CEP120: variants seen among roughly 807,000 people sequenced by gnomAD.
The protein encoded by CEP120 is centrosomal protein of 120 kDa.
In CEP120, 113 loss-of-function variants were observed where a neutral mutation model predicts 126.5. That is an observed-to-expected ratio of 0.89 (90% CI 0.77 to 1.04). CEP120 has a LOEUF of 1.04. Among genes scored for constraint, CEP120 ranks in the 50% least tolerant of loss-of-function variants. The probability of loss-of-function intolerance (pLI) is 0.00; values close to 1 mark genes in which losing one functional copy is unlikely to be tolerated. For synonymous variants in CEP120, 400 were observed against 394.3 expected, an observed-to-expected ratio of 1.01 and a Z score of -0.17; for missense variants, 1,230 against 1,155.7, an observed-to-expected ratio of 1.06 and a Z score of -0.93.
chr5:123,378,133 T>C (rs1771366866), intron 15 of CEP120, among the ~76,000 whole-genome samples: 1 of 126,850 alleles, frequency 7.9e-6, no homozygotes, highest in Non-Finnish European at 1.8e-5. Flanking sequence ...AACACCACTT[T>C]CCACCTCTTT....
intron 1 of CEP120, 120 bp from the exon 2 acceptor site, chr5:123,418,635 T>C (rs1774524601): frequency 4.9e-6 from 4 of 808,198 alleles, no homozygotes; most frequent in Admixed American, 3.3e-5. Context: ...CTTACTCTGT[T>C]GCTTAGGCTG....
At chr5:123,360,156 A>G (rs962065903) in intron 18 of CEP120, among the ~76,000 whole-genome samples, 2 of 151,996 alleles carry the variant, frequency 1.3e-5, no homozygotes, top group African/African-American at 4.8e-5. Context: ...ACAAAACCAG[A>G]TAGACGATTC....
Position 123,383,015 on chromosome 5 carries a change from G to T in CEP120, c.1831C>A (p.Arg611Ser), listed in dbSNP as rs150132498. The T allele has an allele frequency of 6.3e-7, 1 of 1,592,544 alleles. No individual in the cohort carries two copies. Among genetic ancestry groups the T allele is most frequent in the Non-Finnish European group, 8.6e-7 (1 of 1,162,782 alleles). ...TLEDYGLVKM[R>S]EIFISDSSQG... ...GATGAATCAGAGATAAAAATCTCACGCATTTTTACTAGTCCATAATCTTCT... is the reference window on the plus strand; with the variant it reads ...GATGAATCAGAGATAAAAATCTCACTCATTTTTACTAGTCCATAATCTTCT... The change falls in exon 12 of 20, where the codon CGT (arginine) becomes AGT (serine). Residue 611 changes from arginine (R) to serine (S), a missense_variant. By Grantham distance (110) the Arg-to-Ser change is moderately radical (BLOSUM62 -1). Transcript: ENST00000306467.
chr5:123,363,874 A>C (rs1440217251), intron 18 of CEP120, among the ~76,000 whole-genome samples: 1 of 151,620 alleles, frequency 6.6e-6, no homozygotes, highest in Non-Finnish European at 1.5e-5. Context: ...GATTTAGGTC[A>C]GTTAGGGTTA....
chr5:123,423,636 G>A (rs1470963268), upstream of CEP120: 1 of 152,572 alleles, frequency 6.6e-6, no homozygotes, highest in African/African-American at 2.4e-5. Context: ...TGAGTGTAGC[G>A]TATTACCTGC....
chr5:123,361,600 A>T (rs1770079414), intron 18 of CEP120, among the ~76,000 whole-genome samples: 1 of 151,752 alleles, frequency 6.6e-6, no homozygotes, highest in Non-Finnish European at 1.5e-5. Flanking sequence ...ACAGTTTTCT[A>T]CAGAACGTCT....
intron 19 of CEP120, among the ~76,000 whole-genome samples, chr5:123,348,661 A>C (rs1768995297): frequency 6.6e-6 from 1 of 152,214 alleles, no homozygotes; most frequent in Non-Finnish European, 1.5e-5. Context: ...AGATATAATA[A>C]GATACTGTTT....
chr5:123,360,789 C>T (rs952020097), intron 18 of CEP120, among the ~76,000 whole-genome samples: 2 of 151,766 alleles, frequency 1.3e-5, no homozygotes, highest in African/African-American at 4.8e-5. Flanking sequence ...GCCTTTCACA[C>T]TGAATCTTCT....
At chr5:123,402,186 C>A in intron 4 of CEP120, 1 of 1,571,736 alleles carries the variant, frequency 6.4e-7, no homozygotes, top group African/African-American at 1.3e-5. Context: ...CCCACCACAG[C>A]CGCCGCCCAG....
At chr5:123,422,463 A>C in intron 1 of CEP120, 1 of 1,516,974 alleles carries the variant, frequency 6.6e-7, no homozygotes, top group Non-Finnish European at 8.9e-7. Flanking sequence ...CATCCAAAAC[A>C]CACCTTTTAA....
In CEP120 at chr5:123,386,665, T is replaced by G; in HGVS notation, c.1433A>C (p.Tyr478Ser). ...TGCACTTCCAAAGAATGGATATGAGTACCTAGAATTTAAAAAAAAAAAAAA... is the reference window on the plus strand; with the variant it reads ...TGCACTTCCAAAGAATGGATATGAGGACCTAGAATTTAAAAAAAAAAAAAA... ...IGFPINCILR[Y>S]SYPFFGSAAP... Residue 478 changes from tyrosine to serine, a missense_variant and splice_region_variant, in exon 10 of 20, where the codon TAC becomes TCC. Tyr to Ser is a moderately radical substitution (Grantham distance 144). Coordinates refer to ENST00000306467, the MANE Select transcript of CEP120 (RefSeq NM_001375405.1). 2.0e-6 allele frequency: 2 copies of G among 995,654 alleles called. No homozygotes were observed. The highest frequency in any genetic ancestry group is 2.7e-6 in the Non-Finnish European group (2 of 752,716). The allele number at this position is 995,654 out of a possible 1,614,324, so 61.7% of individuals were successfully genotyped here. A position where few individuals can be genotyped will look rare whatever the true frequency, so the allele number is the denominator to read the frequency against.
intron 4 of CEP120, among the ~76,000 whole-genome samples, chr5:123,399,632 AG>A (rs1773042342): frequency 6.6e-6 from 1 of 152,172 alleles, no homozygotes; most frequent in African/African-American, 2.4e-5. Flanking sequence ...GGAATGGGGG[AG>A]TAAAAAAAAG....
Position 123,382,211 on chromosome 5 carries a change from A to G in CEP120, c.2014-11T>C, listed in dbSNP as rs1489620216. On this transcript the variant is annotated splice_polypyrimidine_tract_variant and intron_variant, in intron 13 of 19. Coordinates refer to ENST00000306467, the MANE Select transcript of CEP120 (RefSeq NM_001375405.1). ...TTCTTTCTGCTTCAGCTACAAAAGG[A>G]AGAAAAATAAAGTCGCCAAAAAACC... 3 of 1,587,500 alleles carry G rather than the reference A, an allele frequency of 1.9e-6. No individual in the cohort carries two copies. The highest frequency in any genetic ancestry group is 1.7e-6 in the Non-Finnish European group (2 of 1,165,740).
chr5:123,416,481 G>A (rs1774401271), intron 2 of CEP120, among the ~76,000 whole-genome samples: 1 of 152,024 alleles, frequency 6.6e-6, no homozygotes. Flanking sequence ...TGAGGCAGGG[G>A]AATTATGTGA....
Position 123,423,110 on chromosome 5 carries a change from T to C in CEP120, c.-112A>G. The C allele has an allele frequency of 2.3e-6, 2 of 874,082 alleles. No individual in the cohort carries two copies. The highest frequency in any genetic ancestry group is 1.4e-5 in the South Asian group (1 of 73,246). 54.1% of individuals were successfully genotyped at this position (874,082 alleles called of 1,614,324 possible). Reference sequence around the variant, plus strand: ...ACCCCCACTGCCCGCCCCCGGTCCCTGATGCCCGGACCCCGCTCCGCAGCC... The same window carrying C: ...ACCCCCACTGCCCGCCCCCGGTCCCCGATGCCCGGACCCCGCTCCGCAGCC... On this transcript the variant is annotated 5_prime_UTR_variant, in exon 1 of 20. Transcript: ENST00000306467.
At chr5:123,390,374 T>C (rs1022750030) in intron 7 of CEP120, 4 of 581,654 alleles carry the variant, frequency 6.9e-6, no homozygotes, top group African/African-American at 5.5e-5. Context: ...TCCTAATGGG[T>C]AAGAAGGGAT....
intron 18 of CEP120, among the ~76,000 whole-genome samples, chr5:123,354,369 A>C (rs1198051599): frequency 6.6e-6 from 1 of 152,190 alleles, no homozygotes; most frequent in African/African-American, 2.4e-5. Flanking sequence ...AATAGTGTAC[A>C]TTCTGGACTT....
Position 123,423,102 on chromosome 5 carries a change from C to G in CEP120, c.-104G>C. 1 of 958,294 alleles carries G rather than the reference C, an allele frequency of 1.0e-6. No homozygotes were observed. Among genetic ancestry groups the G allele is most frequent in the Non-Finnish European group, 1.7e-6 (1 of 601,656 alleles). The allele number at this position is 958,294 out of a possible 1,614,324, so 59.4% of individuals were successfully genotyped here. ...CCGGCGGGACCCCCACTGCCCGCCC[C>G]CGGTCCCTGATGCCCGGACCCCGCT... On this transcript the variant is annotated 5_prime_UTR_variant, in exon 1 of 20. Coordinates refer to ENST00000306467, the MANE Select transcript of CEP120 (RefSeq NM_001375405.1).
chr5:123,378,580 A>G, intron 14 of CEP120, 152 bp from the exon 15 acceptor site: 1 of 487,152 alleles, frequency 2.1e-6, no homozygotes. Flanking sequence ...AAAGAAAAAA[A>G]TGTGCTTTTA....
Sources: gnomAD v4.1 joint callset for allele counts (sites outside exome capture counted in the v4.1 genomes callset) on GRCh38, gnomAD v4.1.1 for gene constraint, MANE v1.5 for transcripts, NCBI Gene and HGNC (gene_info 2026-07-23, HGNC 2026-07-21) for gene names.